The following DDX50 variants were observed in gnomAD, a reference collection of about 807,000 sequenced individuals.
DDX50 encodes the protein DExD-box helicase 50, also known as ATP-dependent RNA helicase DDX50.
In DDX50, 56 loss-of-function variants were observed where a neutral mutation model predicts 94.8. That is an observed-to-expected ratio of 0.59 (90% CI 0.48 to 0.74). The LOEUF is 0.74. DDX50 is among the 30% of genes least tolerant of loss of function. DDX50 has a pLI of 0.00. For missense variants in DDX50, 713 were observed against 881.2 expected, an observed-to-expected ratio of 0.81 and a Z score of 2.42; for synonymous variants, 264 against 295.4, an observed-to-expected ratio of 0.89 and a Z score of 1.09.
At chr10:68,918,981 T>G (rs1033910299) in intron 7 of DDX50, among the ~76,000 whole-genome samples, 1 of 152,224 alleles carries the variant, frequency 6.6e-6, no homozygotes, top group Non-Finnish European at 1.5e-5. Context: ...TAGATATGTT[T>G]AGAGACGCAC....
chr10:68,942,532 T>G (rs1842577336), intron 13 of DDX50, among the ~76,000 whole-genome samples: 1 of 152,156 alleles, frequency 6.6e-6, no homozygotes, highest in African/African-American at 2.4e-5. Context: ...AGTATTAAAT[T>G]AACTTTCAGC....
intron 6 of DDX50, 42 bp downstream of exon 6, chr10:68,913,618 C>A: frequency 2.6e-6 from 4 of 1,552,176 alleles, no homozygotes; most frequent in South Asian, 2.4e-5. Context: ...AATTATTGTT[C>A]GATCTTAAAT....
At chr10:68,913,912 TTAA>T in intron 6 of DDX50, 144 bp from the exon 7 acceptor site, 2 of 805,632 alleles carry the variant, frequency 2.5e-6, no homozygotes, top group Non-Finnish European at 3.6e-6. Flanking sequence ...GTTGAAAGTT[TTAA>T]TAATTGCAAT....
At chr10:68,935,792 G>A (rs1589269324) in intron 10 of DDX50, among the ~76,000 whole-genome samples, 1 of 152,072 alleles carries the variant, frequency 6.6e-6, no homozygotes, top group Non-Finnish European at 1.5e-5. Flanking sequence ...CCAAGATCAC[G>A]CCACTGCACT....
At position 68,934,836 on chromosome 10, in the gene DDX50, G is replaced by A; in HGVS notation, c.1439G>A (p.Gly480Asp). Reference sequence around the variant, plus strand: ...TATATCCATCGCTCTGGACGCACAGGTAGAGCTGGACGGACAGGGATTTGT... The same window carrying A: ...TATATCCATCGCTCTGGACGCACAGATAGAGCTGGACGGACAGGGATTTGT... ...ESYIHRSGRT[G>D]RAGRTGICIC... is the part of the protein sequence containing the mutation. Residue 480 changes from glycine (G) to aspartate (D), a missense_variant, in exon 10 of 15, where the codon GGT becomes GAT. Physicochemically the swap from Gly to Asp is moderately conservative, Grantham distance 94 (BLOSUM62 -1). Around this residue, in one of 2 missense-constraint regions of DDX50, gnomAD observed 428 missense variants for 602.3 expected, o/e 0.71. Coordinates refer to ENST00000373585, the MANE Select transcript of DDX50 (RefSeq NM_024045.2). The surrounding 1 kb of genome is among the most constrained non-coding windows in gnomAD (Gnocchi z 4.0). 1.2e-6 allele frequency: 2 copies of A among 1,612,890 alleles called. No homozygotes were observed. The highest frequency in any genetic ancestry group is 1.7e-6 in the Non-Finnish European group (2 of 1,179,550).
chr10:68,908,159 GA>G (rs1439394832), intron 2 of DDX50, among the ~76,000 whole-genome samples: 2 of 151,990 alleles, frequency 1.3e-5, no homozygotes, highest in African/African-American at 4.8e-5. Flanking sequence ...CTTGTTAAAA[GA>G]AAAAAATAGG....
intron 13 of DDX50, among the ~76,000 whole-genome samples, chr10:68,941,935 C>T (rs2132064354): frequency 6.6e-6 from 1 of 151,526 alleles, no homozygotes; most frequent in African/African-American, 2.4e-5. Context: ...CCACCATACC[C>T]TGTCCATGTT....
chr10:68,944,558 T>C (rs1297185552), intron 14 of DDX50, among the ~76,000 whole-genome samples: 1 of 152,158 alleles, frequency 6.6e-6, no homozygotes, highest in East Asian at 1.9e-4. Flanking sequence ...TTTTTGTTTG[T>C]TTATTTTGAG....
intron 1 of DDX50, among the ~76,000 whole-genome samples, chr10:68,904,973 A>G (rs938230022): frequency 1.3e-5 from 2 of 152,246 alleles, no homozygotes; most frequent in South Asian, 2.1e-4. Context: ...TTTTGGTGGT[A>G]GTAGTTTTTA....
In DDX50 at chr10:68,937,025, T is replaced by G; in HGVS notation, c.1685T>G (p.Leu562Trp). 6.2e-7 allele frequency: 1 copy of G among 1,612,840 alleles called. No individual in the cohort carries two copies. The highest frequency in any genetic ancestry group is 8.5e-7 in the Non-Finnish European group (1 of 1,179,954). Residue 562 changes from leucine to tryptophan, a missense_variant, in exon 12 of 15, where the codon TTG (leucine) becomes TGG (tryptophan). Leu to Trp is a moderately conservative substitution (Grantham distance 61). Around this residue, in one of 2 missense-constraint regions of DDX50, gnomAD observed 428 missense variants for 602.3 expected, o/e 0.71. Coordinates refer to ENST00000373585, the MANE Select transcript of DDX50 (RefSeq NM_024045.2). ...GAAGAGAAAGGTGCAGTGGATGCAT[T>G]GGCTGCAGCTTTAGCCCACATTTCT... is the stretch of plus-strand genomic sequence containing the variant. ...LIEEKGAVDA[L>W]AAALAHISGA...
At chr10:68,910,222 G>C (rs897585370) in intron 2 of DDX50, 85 bp from the exon 3 acceptor site, 1 of 1,107,012 alleles carries the variant, frequency 9.0e-7, no homozygotes, top group Admixed American at 2.5e-5. Flanking sequence ...AATTTTCCTT[G>C]TAAGTTAATC....
chr10:68,919,193 C>T (rs906852922), intron 7 of DDX50, among the ~76,000 whole-genome samples: 11 of 152,286 alleles, frequency 7.2e-5, no homozygotes, highest in East Asian at 1.9e-4. Flanking sequence ...CATGAAGCAA[C>T]GCATGACTGT....
intron 4 of DDX50, among the ~76,000 whole-genome samples, chr10:68,912,586 T>G (rs1841660484): frequency 1.3e-5 from 2 of 152,332 alleles, no homozygotes; most frequent in South Asian, 4.1e-4. Flanking sequence ...TTTCTAGGTG[T>G]TTGATTTTGG....
intron 8 of DDX50, among the ~76,000 whole-genome samples, chr10:68,928,062 A>G (rs1420024677): frequency 6.6e-6 from 1 of 152,186 alleles, no homozygotes; most frequent in Non-Finnish European, 1.5e-5. Flanking sequence ...TTGAAATTAA[A>G]AGAATTTCCC....
rs752888119 is a variant in DDX50, at chr10:68,925,094, G to GTTTTTTTTTTTTTTTTTTTTTT, written c.1239+5113_1239+5114insTTTTTTTTTTTTTTTTTTTTTT. Among the ~76,000 whole-genome samples the GTTTTTTTTTTTTTTTTTTTTTT allele has an allele frequency of 2.2e-5, 2 of 89,036 alleles. 1 individual carries two copies. Among genetic ancestry groups the GTTTTTTTTTTTTTTTTTTTTTT allele is most frequent in the South Asian group, 7.9e-4 (2 of 2,542 alleles). The allele number at this position is 89,036 out of a possible 152,430, so 58.4% of individuals were successfully genotyped here. A position where few individuals can be genotyped will look rare whatever the true frequency, so the allele number is the denominator to read the frequency against. The stretch of plus-strand genomic sequence containing the variant: ...ACAAGAATTATCCTTCCCTGCTCAT[G>GTTTTTTTTTTTTTTTTTTTTTT]GTTTTTTTTTTTTTTTTTTTTTTTT... On this transcript the variant is annotated intron_variant, in intron 8 of 14. Transcript: ENST00000373585.
Position 68,913,568 on chromosome 10 carries a change from A to G in DDX50, c.935A>G (p.Tyr312Cys), listed in dbSNP as rs1564603633. The G allele has an allele frequency of 6.2e-7, 1 of 1,612,066 alleles. No homozygotes were observed. Among genetic ancestry groups the G allele is most frequent in the South Asian group, 1.1e-5 (1 of 90,536 alleles). The change falls in exon 6 of 15, where the codon TAC becomes TGC. Residue 312 changes from tyrosine (Y) to cysteine (C), a missense_variant. Coordinates refer to ENST00000373585, the MANE Select transcript of DDX50 (RefSeq NM_024045.2). The part of the protein sequence containing the change: ...EQVEDIIHES[Y>C]KTDSEDNPQT... ...GTTGAAGATATTATTCATGAATCCT[A>G]CAAAACTGGTATATCCTAATTCAAA...
intron 1 of DDX50, among the ~76,000 whole-genome samples, chr10:68,902,190 C>CAAA (rs35302047): frequency 0.027 from 2,554 of 93,958 alleles, 42 homozygotes; most frequent in East Asian, 0.043. Context: ...CCCTGCCCTC[C>CAAA]AAAAAAAAAA....
At chr10:68,918,789 A>G (rs1245116095) in intron 7 of DDX50, among the ~76,000 whole-genome samples, 1 of 152,032 alleles carries the variant, frequency 6.6e-6, no homozygotes, top group Non-Finnish European at 1.5e-5. Flanking sequence ...GTATGGATAT[A>G]CCTGTTTTGG....
intron 4 of DDX50, 61 bp downstream of exon 4, chr10:68,911,307 ACACGAGTCCTAAGTT>A: frequency 6.9e-7 from 1 of 1,459,136 alleles, no homozygotes; most frequent in South Asian, 1.7e-5. Flanking sequence ...AAAGAAAGTT[ACACGAGTCCTAAGTT>A]CTAGTACCCC....
Sources: gnomAD v4.1 joint callset for allele counts (sites outside exome capture counted in the v4.1 genomes callset) on GRCh38, gnomAD v4.1.1 for gene constraint, gnomAD v4.1.1 regional missense constraint, Gnocchi (gnomAD v3.1) non-coding constraint, MANE v1.5 for transcripts, NCBI Gene and HGNC (gene_info 2026-07-23, HGNC 2026-07-21) for gene names.